AFG2A: variants seen among roughly 807,000 people sequenced by gnomAD.
AFG2A encodes the protein ATPase family gene 2 protein homolog A.
the AFG2A span, among the ~76,000 whole-genome samples, chr4:123,232,362 AGAG>A: frequency 1.3e-5 from 2 of 152,038 alleles, no homozygotes; most frequent in African/African-American, 4.8e-5. Context: ...TAGAGAAATA[AGAG>A]GTATAATGTG....
At chr4:123,103,708 G>A in the AFG2A span, among the ~76,000 whole-genome samples, 1 of 152,086 alleles carries the variant, frequency 6.6e-6, no homozygotes, top group Admixed American at 6.6e-5. Context: ...TGTTTGTAAT[G>A]TTTATAGCAA....
At chr4:123,265,217 A>G in the AFG2A span, among the ~76,000 whole-genome samples, 2 of 152,086 alleles carry the variant, frequency 1.3e-5, no homozygotes, top group South Asian at 4.1e-4. Context: ...ATGCTTTTCA[A>G]CTTCCTTAAG....
chr4:123,304,633 T>C, the AFG2A span, among the ~76,000 whole-genome samples: 2 of 152,200 alleles, frequency 1.3e-5, no homozygotes, highest in Admixed American at 6.5e-5. Flanking sequence ...TACCTAAGAC[T>C]TTTTGAAGCA....
chr4:123,013,595 G>A, the AFG2A span, among the ~76,000 whole-genome samples: 13 of 152,196 alleles, frequency 8.5e-5, no homozygotes, highest in South Asian at 1.2e-3. Flanking sequence ...AGGGCCTGTC[G>A]GGGTTGGGGG....
chr4:123,040,898 A>G, the AFG2A span, among the ~76,000 whole-genome samples: 1 of 152,116 alleles, frequency 6.6e-6, no homozygotes, highest in African/African-American at 2.4e-5. Context: ...TTAAGTACCA[A>G]TGTACAAATA....
the AFG2A span, among the ~76,000 whole-genome samples, chr4:122,944,357 A>G: frequency 6.6e-6 from 1 of 151,454 alleles, no homozygotes; most frequent in Non-Finnish European, 1.5e-5. Context: ...TTTTCTCTAA[A>G]CTTCCCTTCT....
At chr4:123,151,975 T>G in the AFG2A span, among the ~76,000 whole-genome samples, 2 of 152,110 alleles carry the variant, frequency 1.3e-5, no homozygotes, top group African/African-American at 4.8e-5. Context: ...ATGTCCTTTG[T>G]AGGGACATGG....
chr4:122,977,594 G>A, the AFG2A span, among the ~76,000 whole-genome samples: 291 of 152,374 alleles, frequency 1.9e-3, no homozygotes, highest in South Asian at 4.3e-3. Context: ...CTCCCCAGAG[G>A]GCCACAGCTC....
the AFG2A span, among the ~76,000 whole-genome samples, chr4:122,982,328 C>G: frequency 6.6e-6 from 1 of 152,162 alleles, no homozygotes; most frequent in Admixed American, 6.5e-5. Context: ...AACCAGCAGC[C>G]TTGCATCCTA....
At chr4:123,032,087 A>C in the AFG2A span, among the ~76,000 whole-genome samples, 1 of 152,244 alleles carries the variant, frequency 6.6e-6, no homozygotes, top group African/African-American at 2.4e-5. Context: ...ACTGTCACTA[A>C]TTCTGCAAGA....
chr4:123,137,119 G>A, the AFG2A span, among the ~76,000 whole-genome samples: 2 of 152,274 alleles, frequency 1.3e-5, no homozygotes, highest in Non-Finnish European at 1.5e-5. Flanking sequence ...ATCTAACGGT[G>A]CGGCTGATCA....
the AFG2A span, among the ~76,000 whole-genome samples, chr4:123,310,232 T>C: frequency 6.6e-6 from 1 of 152,176 alleles, no homozygotes; most frequent in African/African-American, 2.4e-5. Flanking sequence ...GCTTGTGGAT[T>C]TGGTTTAGAG....
the AFG2A span, among the ~76,000 whole-genome samples, chr4:123,176,051 G>A: frequency 6.6e-6 from 1 of 152,158 alleles, no homozygotes; most frequent in Non-Finnish European, 1.5e-5. Flanking sequence ...CTTTCAGGAG[G>A]CAGAGACAAC....
chr4:123,210,351 C>A, the AFG2A span, among the ~76,000 whole-genome samples: 1,752 of 152,258 alleles, frequency 0.012, 33 homozygotes, highest in African/African-American at 0.04. Context: ...TGCCCTTTGG[C>A]CAGCACTACC....
At chr4:123,280,356 T>C in the AFG2A span, among the ~76,000 whole-genome samples, 1 of 152,220 alleles carries the variant, frequency 6.6e-6, no homozygotes, top group Non-Finnish European at 1.5e-5. Context: ...ACCATTTTAA[T>C]TAATAAAGTT....
At chr4:123,248,854 T>C in the AFG2A span, among the ~76,000 whole-genome samples, 1 of 152,322 alleles carries the variant, frequency 6.6e-6, no homozygotes, top group Non-Finnish European at 1.5e-5. Context: ...ATTCAGAGAT[T>C]GCTAACATTG....
chr4:123,120,358 A>G, the AFG2A span, among the ~76,000 whole-genome samples: 6 of 152,190 alleles, frequency 3.9e-5, no homozygotes, highest in Non-Finnish European at 5.9e-5. Flanking sequence ...AAAAAGCAGT[A>G]ATAATTAAGG....
chr4:123,301,195 AT>A, the AFG2A span, among the ~76,000 whole-genome samples: 1 of 152,202 alleles, frequency 6.6e-6, no homozygotes, highest in Admixed American at 6.5e-5. Flanking sequence ...GTTTCAATGT[AT>A]TCTTAGATCC....
chr4:123,193,025 C>T, the AFG2A span, among the ~76,000 whole-genome samples: 44 of 152,140 alleles, frequency 2.9e-4, no homozygotes, highest in African/African-American at 9.7e-4. Flanking sequence ...TTTGCTTGCT[C>T]GATCATCAAG....
Sources: gnomAD v4.1 joint callset for allele counts (sites outside exome capture counted in the v4.1 genomes callset) on GRCh38, gnomAD v4.1.1 for gene constraint, MANE v1.5 for transcripts, NCBI Gene and HGNC (gene_info 2026-07-23, HGNC 2026-07-21) for gene names.